Variants in ZNF114 observed in about 807,000 individuals in gnomAD.
The protein encoded by ZNF114 is zinc finger protein 114.
A neutral mutation model predicts 6.8 loss-of-function variants in ZNF114; 8 were observed. The ratio of observed to expected loss-of-function variants is 1.18; its 90% CI spans 0.69 to 2.13. ZNF114 has a LOEUF of 2.13. ZNF114 is among the 30% of genes most tolerant of loss of function. ZNF114 has a pLI of 0.00. For missense variants in ZNF114, 472 were observed against 519.5 expected (o/e 0.91, Z 0.89); for synonymous variants, 169 against 185.5 (o/e 0.91, Z 0.72).
chr19:48,283,866 T>A (rs545724234), intron 5 of ZNF114, among the ~76,000 whole-genome samples: 5 of 152,224 alleles, frequency 3.3e-5, no homozygotes, highest in African/African-American at 1.2e-4. Context: ...CCCGAGTAGC[T>A]GGGATTATAG....
chr19:48,270,533 A>G (rs1438583121), intron 1 of ZNF114, among the ~76,000 whole-genome samples: 2 of 145,860 alleles, frequency 1.4e-5, no homozygotes, highest in Non-Finnish European at 3.0e-5. Flanking sequence ...GAGAGAGAGA[A>G]AGGAAAGAAG....
At chr19:48,280,873 C>G (rs1359005391) in intron 4 of ZNF114, among the ~76,000 whole-genome samples, 2 of 152,034 alleles carry the variant, frequency 1.3e-5, no homozygotes, top group African/African-American at 4.8e-5. Flanking sequence ...GAGTAGCCAC[C>G]CCTCTGTGAT....
At chr19:48,280,220 T>C (rs1967953696) in intron 4 of ZNF114, among the ~76,000 whole-genome samples, 1 of 151,952 alleles carries the variant, frequency 6.6e-6, no homozygotes, top group African/African-American at 2.4e-5. Flanking sequence ...ACCGTCTCTA[T>C]AAATATAAAA....
In ZNF114 at chr19:48,286,256, GT is replaced by G. The variant is rs1568995829; in HGVS notation, c.633del (p.Asp212MetfsTer109). 1 of 1,614,042 alleles carries G rather than the reference GT, an allele frequency of 6.2e-7. No individual in the cohort carries two copies. Among genetic ancestry groups the G allele is most frequent in the African/African-American group, 1.3e-5 (1 of 74,898 alleles). On this transcript the variant is annotated frameshift_variant, in exon 6 of 6. Coordinates refer to ENST00000595607, the MANE Select transcript of ZNF114 (RefSeq NM_153608.4). LOFTEE classifies it low-confidence loss of function (END_TRUNC). ...TGSQNTVHHI[R>X]DEIDTGANRH... ...AGTCAGAACACTGTGCATCATATAC[GT>G]GATGAAATTGATACGGGGGCCAACA...
intron 3 of ZNF114, among the ~76,000 whole-genome samples, chr19:48,274,849 G>A (rs573426492): frequency 3.9e-5 from 6 of 152,154 alleles, no homozygotes; most frequent in South Asian, 2.1e-4. Flanking sequence ...CATTGTGTGC[G>A]TTTCTCTTCC....
rs397859226 is a variant in ZNF114, at chr19:48,280,547, ATT to A, written c.9+760_9+761del. Among the ~76,000 whole-genome samples the A allele has an allele frequency of 5.7e-3, 700 of 122,952 alleles. 7 individuals carry two copies. Among genetic ancestry groups the A allele is most frequent in the African/African-American group, 0.02 (646 of 32,976 alleles). The allele number at this position is 122,952 out of a possible 152,430, so 80.7% of individuals were successfully genotyped here. A position where few individuals can be genotyped will look rare whatever the true frequency, so the allele number is the denominator to read the frequency against. ...TGGACTGAGACGTGCCCCACTCCAA[ATT>A]TTTTTTTTTTTTTTTTTTTTGAGAC... On this transcript the variant is annotated intron_variant, in intron 4 of 5. Coordinates refer to ENST00000595607, the MANE Select transcript of ZNF114 (RefSeq NM_153608.4).
intron 1 of ZNF114, among the ~76,000 whole-genome samples, 174 bp downstream of exon 1, chr19:48,270,393 G>GAA (rs57820634): frequency 0.013 from 1,256 of 99,188 alleles, 32 homozygotes; most frequent in African/African-American, 0.049. Flanking sequence ...ACTTGTCTCA[G>GAA]AAAAAAAAAA....
chr19:48,286,011 G>A lies in ZNF114; in HGVS notation c.387G>A (p.Arg129=). 1 of 1,613,962 alleles carries A rather than the reference G, an allele frequency of 6.2e-7. No homozygotes were observed. The highest frequency in any genetic ancestry group is 1.1e-5 in the South Asian group (1 of 91,078). Residue 129 remains arginine, a synonymous_variant, in exon 6 of 6, where the codon AGG becomes AGA. Coordinates refer to ENST00000595607, the MANE Select transcript of ZNF114 (RefSeq NM_153608.4). ...GCATTTGTGAAGATCATGAAATGAG[G>A]AACCACTCTAAACCTACCTGCAGGC... ...PVSICEDHEM[R]NHSKPTCRLV... is the part of the protein sequence containing the mutation.
At chr19:48,274,753 G>T (rs928036268) in intron 3 of ZNF114, among the ~76,000 whole-genome samples, 3 of 151,520 alleles carry the variant, frequency 2.0e-5, no homozygotes, top group Non-Finnish European at 4.4e-5. Flanking sequence ...TGATCTGCCC[G>T]CCTCGGCCTC....
chr19:48,281,894 CTTTTTTT>C (rs869238604), intron 4 of ZNF114, among the ~76,000 whole-genome samples: 1 of 90,522 alleles, frequency 1.1e-5, no homozygotes, highest in South Asian at 4.0e-4. Context: ...ACAACCTCAT[CTTTTTTT>C]TTTTTTTTTT....
chr19:48,280,046 G>A (rs909889581), intron 4 of ZNF114, among the ~76,000 whole-genome samples: 2 of 152,160 alleles, frequency 1.3e-5, no homozygotes, highest in Admixed American at 6.5e-5. Context: ...CTGGCTGCCA[G>A]TGGGCTTCAC....
intron 5 of ZNF114, among the ~76,000 whole-genome samples, 199 bp from the exon 6 acceptor site, chr19:48,285,543 AGAAGGAAGGAAGGAAGGAG>A (rs1968093093): frequency 6.8e-6 from 1 of 147,076 alleles, no homozygotes; most frequent in Admixed American, 7.0e-5. Flanking sequence ...GAGAGAGGAA[AGAAGGAAGGAAGGAAGGAG>A]GAAGGAAGGA....
intron 3 of ZNF114, among the ~76,000 whole-genome samples, chr19:48,273,960 T>C (rs1349021734): frequency 6.6e-6 from 1 of 151,668 alleles, no homozygotes; most frequent in Non-Finnish European, 1.5e-5. Context: ...GGTTTCACCG[T>C]GTTAGCCGGG....
At chr19:48,279,654 A>T in intron 3 of ZNF114, 77 bp from the exon 4 acceptor site, 1 of 980,704 alleles carries the variant, frequency 1.0e-6, no homozygotes, top group Non-Finnish European at 1.6e-6. Flanking sequence ...TGCTGAGATT[A>T]ATGTCAGGCA....
At chr19:48,272,792 C>CTTTTTTTT (rs1170280344) in intron 3 of ZNF114, among the ~76,000 whole-genome samples, 1 of 83,768 alleles carries the variant, frequency 1.2e-5, no homozygotes, top group East Asian at 4.0e-4. Context: ...CGAGAAAGAG[C>CTTTTTTTT]TTTTTTTTTT....
chr19:48,286,976 C>T lies in ZNF114; in HGVS notation c.*98C>T. ...CTCAAGGGGTTAGCATGAGTGAGAA[C>T]ATCTTCCCTGAACTCTCGTATCTTA... On this transcript the variant is annotated 3_prime_UTR_variant, in exon 6 of 6. Transcript: ENST00000595607. 3.1e-6 allele frequency: 4 copies of T among 1,285,216 alleles called. 1 individual carries two copies. In the South Asian group the frequency reaches 5.2e-5, roughly 17 times the overall value. 79.6% of individuals were successfully genotyped at this position (1,285,216 alleles called of 1,614,324 possible). A position where few individuals can be genotyped will look rare whatever the true frequency, so the allele number is the denominator to read the frequency against.
At chr19:48,278,101 A>T (rs1967897062) in intron 3 of ZNF114, among the ~76,000 whole-genome samples, 2 of 151,834 alleles carry the variant, frequency 1.3e-5, no homozygotes, top group Non-Finnish European at 2.9e-5. Flanking sequence ...ACGCCCGGTT[A>T]ATTTTTGTAT....
Position 48,282,507 on chromosome 19 carries a change from C to T in ZNF114, c.136+10C>T. ...AACTTGGCATTCATAGGTAAGGAGG[C>T]CCCCTTCCTGCACTTAGTCCGTGAT... is the stretch of plus-strand genomic sequence containing the variant. On this transcript the variant is annotated intron_variant, in intron 5 of 5. Transcript: ENST00000595607. 1 of 1,606,096 alleles carries T rather than the reference C, an allele frequency of 6.2e-7. No homozygotes were observed.
chr19:48,286,338 A>G lies in ZNF114; in HGVS notation c.714A>G (p.Ala238=), dbSNP rs16981958. ...KAFREDGSLR[A]HNTHGREKMY... Reference sequence around the variant, plus strand: ...TCCGTGAAGACGGATCCCTTAGGGCACACAACACTCATGGTCGAGAGAAAA... The same window carrying G: ...TCCGTGAAGACGGATCCCTTAGGGCGCACAACACTCATGGTCGAGAGAAAA... The change falls in exon 6 of 6, where the codon GCA becomes GCG. Residue 238 remains alanine, a synonymous_variant. Transcript: ENST00000595607. 2.7e-3 allele frequency: 4,308 copies of G among 1,614,198 alleles called. 115 individuals are homozygous for G. In the African/African-American group the frequency reaches 0.051, roughly 19 times the overall value.
Sources: allele counts gnomAD v4.1 joint callset (sites outside exome capture counted in the v4.1 genomes callset), GRCh38; gene constraint gnomAD v4.1.1; transcripts MANE v1.5; gene names NCBI Gene and HGNC (gene_info 2026-07-23, HGNC 2026-07-21).